Variants in C3orf33 observed in about 807,000 individuals in gnomAD.
C3orf33 encodes the protein mitochondrial inner membrane subdomain organizer 1.
A neutral mutation model predicts 28.7 loss-of-function variants in C3orf33; 23 were observed. The ratio of observed to expected loss-of-function variants is 0.80; its 90% CI spans 0.58 to 1.13. C3orf33 has a LOEUF of 1.13. C3orf33 is among the 50% of genes most tolerant of loss of function. The probability of loss-of-function intolerance (pLI) is 0.00; values close to 1 mark genes in which losing one functional copy is unlikely to be tolerated. For missense variants in C3orf33, 327 were observed against 353.4 expected, an observed-to-expected ratio of 0.93 and a Z score of 0.60; for synonymous variants, 119 against 120.5, an observed-to-expected ratio of 0.99 and a Z score of 0.08.
chr3:155,801,971 C>T lies in C3orf33; in HGVS notation c.174+561G>A, dbSNP rs1011089430. ...TTCATCATGTTGGCCAGGCTGGTCT[C>T]GAACTCCTGACCTCAGGTGATCCAC... On this transcript the variant is annotated intron_variant, in intron 2 of 4. Coordinates refer to ENST00000340171, the MANE Select transcript of C3orf33 (RefSeq NM_001308229.2). Among the ~76,000 whole-genome samples the T allele has an allele frequency of 5.3e-5, 8 of 152,098 alleles. No homozygotes were observed. The East Asian group carries it at 7.7e-4, about 15-fold the overall frequency.
rs1314264927 is a variant in C3orf33 at position 155,763,888 on chromosome 3, C to T, written c.514G>A (p.Glu172Lys). The T allele has an allele frequency of 6.7e-7, 1 of 1,489,966 alleles. No homozygotes were observed. The highest frequency in any genetic ancestry group is 8.9e-7 in the Non-Finnish European group (1 of 1,124,128). The allele number at this position is 1,489,966 out of a possible 1,614,324, so 92.3% of individuals were successfully genotyped here. ...TTGCCAAGGCCTCTTCTCAAAATTT[C>T]TTCATTCAGATTCACGCTGAAATAT... ...GGYFSVNLNE[E>K]ILRRGLGKTV... The change falls in exon 5 of 5, where the codon GAA (glutamate) becomes AAA (lysine). Residue 172 changes from glutamate (E) to lysine (K), a missense_variant. Coordinates refer to ENST00000340171, the MANE Select transcript of C3orf33 (RefSeq NM_001308229.2).
At chr3:155,799,718 A>G (rs1448364851) in intron 2 of C3orf33, among the ~76,000 whole-genome samples, 1 of 152,176 alleles carries the variant, frequency 6.6e-6, no homozygotes, top group Non-Finnish European at 1.5e-5. Context: ...TGGTACATAT[A>G]CATGGTAGAA....
At position 155,801,421 on chromosome 3, in the gene C3orf33, T is replaced by C. The variant is rs534150859; in HGVS notation, c.174+1111A>G. Among the ~76,000 whole-genome samples, 5 of 152,240 alleles carry C rather than the reference T, an allele frequency of 3.3e-5. No homozygotes were observed. In the East Asian group the frequency reaches 9.6e-4, roughly 29 times the overall value. On this transcript the variant is annotated intron_variant, in intron 2 of 4. Transcript: ENST00000340171. ...AGGATCTCAAAGAGATATTTGTATA[T>C]GCATGTTCATAGCAGCATTATTCAC...
At chr3:155,796,957 A>C (rs967612396) in intron 2 of C3orf33, among the ~76,000 whole-genome samples, 10 of 152,168 alleles carry the variant, frequency 6.6e-5, no homozygotes, top group Non-Finnish European at 1.3e-4. Flanking sequence ...TTGGGAGGCC[A>C]AGGCAGGCAG....
At chr3:155,782,823 A>G (rs1398268147) in intron 2 of C3orf33, among the ~76,000 whole-genome samples, 2 of 152,234 alleles carry the variant, frequency 1.3e-5, no homozygotes, top group Admixed American at 1.3e-4. Flanking sequence ...TCTTGGTAAA[A>G]GTAAATACAT....
chr3:155,763,465 A>G lies in C3orf33; in HGVS notation c.*52T>C, dbSNP rs1221818177. ...TTGATTCAATGAAAAACGTCCATAT[A>G]TTTACATATTTCACTCTTTGGAGAA... On this transcript the variant is annotated 3_prime_UTR_variant, in exon 5 of 5. Coordinates refer to ENST00000340171, the MANE Select transcript of C3orf33 (RefSeq NM_001308229.2). 2 of 1,339,800 alleles carry G rather than the reference A, an allele frequency of 1.5e-6. No individual in the cohort carries two copies. Among genetic ancestry groups the G allele is most frequent in the Admixed American group, 3.3e-5 (1 of 30,524 alleles). 83.0% of individuals were successfully genotyped at this position (1,339,800 alleles called of 1,614,324 possible). A position where few individuals can be genotyped will look rare whatever the true frequency, so the allele number is the denominator to read the frequency against.
At chr3:155,787,967 G>A (rs578196907) in intron 2 of C3orf33, among the ~76,000 whole-genome samples, 1 of 152,056 alleles carries the variant, frequency 6.6e-6, no homozygotes, top group East Asian at 2.0e-4. Context: ...CGAGGCGGGC[G>A]GATCATGAGG....
At chr3:155,790,065 G>A (rs1751263471) in intron 2 of C3orf33, among the ~76,000 whole-genome samples, 1 of 150,500 alleles carries the variant, frequency 6.6e-6, no homozygotes, top group Non-Finnish European at 1.5e-5. Flanking sequence ...TGGGGAGGCT[G>A]AGGCATGAGA....
At chr3:155,767,400 CAAAAA>C in intron 4 of C3orf33, 104 bp downstream of exon 4, 1 of 800,918 alleles carries the variant, frequency 1.2e-6, no homozygotes, top group Non-Finnish European at 1.7e-6. Context: ...GTTTAAAAGG[CAAAAA>C]AAAGTCAGTC....
rs573382484 is a variant in C3orf33 at position 155,781,159 on chromosome 3, G to A, written c.175-5311C>T. Among the ~76,000 whole-genome samples, 41 of 151,186 alleles carry A rather than the reference G, an allele frequency of 2.7e-4. 1 individual carries two copies. In the South Asian group the frequency reaches 5.4e-3, roughly 20 times the overall value. On this transcript the variant is annotated intron_variant, in intron 2 of 4. Coordinates refer to ENST00000340171, the MANE Select transcript of C3orf33 (RefSeq NM_001308229.2). ...ACTACAGGCGTCCGCCACCGCGCCC[G>A]GCTAATTTTTTTTTTTGTATTTTTT...
intron 1 of C3orf33, 65 bp from the exon 2 acceptor site, chr3:155,802,656 T>C (rs1405224371): frequency 1.6e-6 from 2 of 1,234,082 alleles, no homozygotes; most frequent in Non-Finnish European, 1.1e-6. Context: ...AAGCACTAAT[T>C]AGAAGGTAGA....
At chr3:155,773,741 C>A (rs1750657002) in intron 3 of C3orf33, among the ~76,000 whole-genome samples, 1 of 152,158 alleles carries the variant, frequency 6.6e-6, no homozygotes, top group Non-Finnish European at 1.5e-5. Flanking sequence ...ATAGCCTGGA[C>A]AACCACAGGT....
At chr3:155,772,595 A>G (rs1281945170) in intron 3 of C3orf33, among the ~76,000 whole-genome samples, 2 of 149,958 alleles carry the variant, frequency 1.3e-5, no homozygotes, top group East Asian at 3.9e-4. Context: ...TTTTTTTACC[A>G]TCAGGGATGA....
chr3:155,792,646 A>C (rs1403790009), intron 2 of C3orf33, among the ~76,000 whole-genome samples: 9 of 152,056 alleles, frequency 5.9e-5, no homozygotes, highest in Non-Finnish European at 1.3e-4. Flanking sequence ...GAAACAGTTA[A>C]AAAGAATCAA....
At chr3:155,793,977 T>G (rs953459106) in intron 2 of C3orf33, among the ~76,000 whole-genome samples, 1 of 135,938 alleles carries the variant, frequency 7.4e-6, no homozygotes, top group Admixed American at 7.7e-5. Context: ...TGCTTGGTGG[T>G]GTTTTGTTTT....
chr3:155,793,828 C>CAAAAAA (rs1559998519), intron 2 of C3orf33, among the ~76,000 whole-genome samples: 2 of 96,976 alleles, frequency 2.1e-5, no homozygotes, highest in Non-Finnish European at 4.1e-5. Flanking sequence ...AAAAAAAAAA[C>CAAAAAA]TAAAAAAACT....
At chr3:155,764,294 G>A (rs140222383) in intron 4 of C3orf33, among the ~76,000 whole-genome samples, 1 of 152,288 alleles carries the variant, frequency 6.6e-6, no homozygotes, top group Non-Finnish European at 1.5e-5. Context: ...AAGAAACTAA[G>A]AGATGAAGAG....
chr3:155,773,778 G>A (rs368633087), intron 3 of C3orf33, among the ~76,000 whole-genome samples: 5 of 152,136 alleles, frequency 3.3e-5, no homozygotes, highest in Admixed American at 6.6e-5. Flanking sequence ...AAGCTCTAAC[G>A]AGTCATTACT....
At chr3:155,771,056 T>TGTGTGTGTGTGTG (rs1271435779) in intron 3 of C3orf33, among the ~76,000 whole-genome samples, 1 of 136,194 alleles carries the variant, frequency 7.3e-6, no homozygotes, top group African/African-American at 2.7e-5. Context: ...TGTGTGTGTG[T>TGTGTGTGTGTGTG]TGAGACATAG....
Sources: gnomAD v4.1 joint callset for allele counts (sites outside exome capture counted in the v4.1 genomes callset) on GRCh38, gnomAD v4.1.1 for gene constraint, MANE v1.5 for transcripts, NCBI Gene and HGNC (gene_info 2026-07-23, HGNC 2026-07-21) for gene names.